Variants in NTRK2 observed in about 807,000 individuals in gnomAD.
NTRK2 encodes the protein neurotrophic receptor tyrosine kinase 2, also known as BDNF/NT-3 growth factors receptor.
Under a neutral mutation model 94.5 loss-of-function variants are expected in NTRK2, and 13 were observed. The ratio of observed to expected loss-of-function variants is 0.14; its 90% CI spans 0.09 to 0.22. The LOEUF is 0.22. Ranked by LOEUF, NTRK2 falls within the 10% of genes least tolerant of loss-of-function variation. The pLI, the probability that NTRK2 is intolerant of heterozygous loss-of-function variation, is 1.00. For missense variants in NTRK2, 639 were observed against 1,071.2 expected (o/e 0.60, Z 5.63); for synonymous variants, 372 against 407.4 (o/e 0.91, Z 1.05).
In NTRK2 at chr9:84,938,374, C is replaced by G. The variant is rs1414851125; in HGVS notation, c.1764+4082C>G. ...ATTTCCATGTCGGGATGGCCCCTAC[C>G]CAGCCTCTTGGCCCAGGTAACTCCC... On this transcript the variant is annotated intron_variant, in intron 15 of 18. Coordinates refer to ENST00000277120, the MANE Select transcript of NTRK2 (RefSeq NM_006180.6). Among the ~76,000 whole-genome samples, 5 of 152,260 alleles carry G rather than the reference C, an allele frequency of 3.3e-5. No homozygotes were observed. In the South Asian group the frequency reaches 1.0e-3, roughly 32 times the overall value.
chr9:84,703,117 AT>A (rs1305587705), intron 4 of NTRK2, among the ~76,000 whole-genome samples: 2 of 152,206 alleles, frequency 1.3e-5, no homozygotes, highest in Non-Finnish European at 2.9e-5. Context: ...TAAACTAAAG[AT>A]CACCTAAGTG....
chr9:84,843,475 C>A (rs1012451161), intron 12 of NTRK2, among the ~76,000 whole-genome samples: 1 of 152,170 alleles, frequency 6.6e-6, no homozygotes, highest in Non-Finnish European at 1.5e-5. Flanking sequence ...CAGCTGCCCA[C>A]CAGCAGTGCT....
intron 2 of NTRK2, among the ~76,000 whole-genome samples, chr9:84,672,036 C>T (rs544237847): frequency 6.6e-6 from 1 of 152,286 alleles, no homozygotes; most frequent in East Asian, 1.9e-4. Context: ...GTGTTTGATA[C>T]TGAGATAGGC....
chr9:84,836,369 A>G (rs971452698), intron 12 of NTRK2, among the ~76,000 whole-genome samples: 1 of 151,782 alleles, frequency 6.6e-6, no homozygotes, highest in Non-Finnish European at 1.5e-5. Flanking sequence ...CCCTGCAAGG[A>G]ACTGAAACAT....
At chr9:84,819,715 A>C (rs976477173) in intron 12 of NTRK2, among the ~76,000 whole-genome samples, 15 of 152,130 alleles carry the variant, frequency 9.9e-5, no homozygotes, top group Admixed American at 6.5e-5. Flanking sequence ...AGCCCTCCCT[A>C]TCTGGAGTCC....
At chr9:84,815,518 G>T (rs201339631) in intron 12 of NTRK2, 71 of 941,496 alleles carry the variant, frequency 7.5e-5, no homozygotes, top group South Asian at 2.5e-4. Context: ...CTCATGCCCT[G>T]TTTTTTTTTT....
At chr9:84,867,157 T>C in intron 13 of NTRK2, 86 bp from the exon 14 acceptor site, 1 of 1,330,512 alleles carries the variant, frequency 7.5e-7, no homozygotes, top group East Asian at 2.4e-5. Context: ...AATTGTATAC[T>C]TTAAATGGGT....
intron 15 of NTRK2, among the ~76,000 whole-genome samples, chr9:84,938,649 T>G (rs1239111229): frequency 1.3e-5 from 2 of 152,228 alleles, no homozygotes; most frequent in Non-Finnish European, 2.9e-5. Context: ...TTTAGCACAC[T>G]GCCTCATATG....
In NTRK2 at chr9:84,812,064, T is replaced by C. The variant is rs988706726; in HGVS notation, c.1397-48976T>C. 7 of 1,060,232 alleles carry C rather than the reference T, an allele frequency of 6.6e-6. No individual in the cohort carries two copies. In the Admixed American group the frequency reaches 3.2e-4, roughly 49 times the overall value. The allele number at this position is 1,060,232 out of a possible 1,614,324, so 65.7% of individuals were successfully genotyped here. ...ACATTGATGTTTTAAAAATTTATTT[T>C]TTTTGGAAATAGTTGCACAAATGCT... On this transcript the variant is annotated intron_variant, in intron 12 of 18. Coordinates refer to ENST00000277120, the MANE Select transcript of NTRK2 (RefSeq NM_006180.6).
chr9:84,884,624 A>G (rs1042420537), intron 14 of NTRK2, among the ~76,000 whole-genome samples: 1 of 152,140 alleles, frequency 6.6e-6, no homozygotes, highest in Non-Finnish European at 1.5e-5. Context: ...ATATATCACG[A>G]CGTTTGTGAG....
chr9:84,850,498 T>C (rs972226265), intron 12 of NTRK2, among the ~76,000 whole-genome samples: 1 of 152,074 alleles, frequency 6.6e-6, no homozygotes, highest in African/African-American at 2.4e-5. Context: ...GGTAAAGATT[T>C]TGAATGTTAT....
chr9:84,845,685 A>G (rs752527652), intron 12 of NTRK2, among the ~76,000 whole-genome samples: 13 of 152,184 alleles, frequency 8.5e-5, no homozygotes, highest in Non-Finnish European at 1.9e-4. Flanking sequence ...ACCAAACACT[A>G]TATATTCTCA....
chr9:84,710,574 A>G, intron 5 of NTRK2, 63 bp from the exon 6 acceptor site: 1 of 1,544,318 alleles, frequency 6.5e-7, no homozygotes, highest in Non-Finnish European at 9.0e-7. Context: ...AGTATTTTAC[A>G]AGCACTAATG....
intron 12 of NTRK2, among the ~76,000 whole-genome samples, chr9:84,806,675 G>T (rs1252434031): frequency 6.6e-6 from 1 of 152,140 alleles, no homozygotes; most frequent in Non-Finnish European, 1.5e-5. Context: ...TAGAAAAAGC[G>T]ACAACAGCAA....
chr9:84,861,233 A>G lies in NTRK2; in HGVS notation c.1444+146A>G. 4.4e-6 allele frequency: 3 copies of G among 677,568 alleles called. 1 individual carries two copies. The South Asian group carries it at 5.6e-5, about 13-fold the overall frequency. 42.0% of individuals were successfully genotyped at this position (677,568 alleles called of 1,614,324 possible). On this transcript the variant is annotated intron_variant, in intron 13 of 18. Coordinates refer to ENST00000277120, the MANE Select transcript of NTRK2 (RefSeq NM_006180.6). ...TTTGATTTGTTGAAGAAGTAGGTCTAGAATTTTTCCAGAAAAGGCATTACT... is the reference window on the plus strand; with the variant it reads ...TTTGATTTGTTGAAGAAGTAGGTCTGGAATTTTTCCAGAAAAGGCATTACT...
intron 12 of NTRK2, among the ~76,000 whole-genome samples, chr9:84,768,825 A>G (rs1203787668): frequency 1.3e-5 from 2 of 152,248 alleles, no homozygotes; most frequent in East Asian, 3.9e-4. Flanking sequence ...ATGGGAAATT[A>G]CTAAGAGGAA....
Position 84,816,338 on chromosome 9 carries a change from A to G in NTRK2, c.1397-44702A>G, listed in dbSNP as rs549274289. 3.3e-5 allele frequency among the ~76,000 whole-genome samples: 5 copies of G among 152,214 alleles called. No individual in the cohort carries two copies. In the South Asian group the frequency reaches 1.0e-3, roughly 32 times the overall value. ...AACAGGATGTAAAAGTGAGGTTTGTAGGACCTCAGGCTCCAATTCATTTGA... is the reference window on the plus strand; with the variant it reads ...AACAGGATGTAAAAGTGAGGTTTGTGGGACCTCAGGCTCCAATTCATTTGA... On this transcript the variant is annotated intron_variant, in intron 12 of 18. Coordinates refer to ENST00000277120, the MANE Select transcript of NTRK2 (RefSeq NM_006180.6).
At chr9:84,812,900 G>T (rs1326360110) in intron 12 of NTRK2, 2 of 1,033,692 alleles carry the variant, frequency 1.9e-6, no homozygotes, top group East Asian at 6.0e-5. Context: ...CCTAGGGAAT[G>T]ATGAAAACAG....
At chr9:84,957,035 G>A (rs373677492) in intron 17 of NTRK2, among the ~76,000 whole-genome samples, 15 of 152,274 alleles carry the variant, frequency 9.9e-5, no homozygotes, top group South Asian at 2.1e-4. Flanking sequence ...TATTTAAAAC[G>A]TGGGGAGACT....
Sources: allele counts gnomAD v4.1 joint callset (sites outside exome capture counted in the v4.1 genomes callset), GRCh38; gene constraint gnomAD v4.1.1; transcripts MANE v1.5; gene names NCBI Gene and HGNC (gene_info 2026-07-23, HGNC 2026-07-21).